The following ATRNL1 variants were observed in gnomAD, a reference collection of about 807,000 sequenced individuals.
The protein encoded by ATRNL1 is attractin-like protein 1.
In ATRNL1, 95 loss-of-function variants were observed where a neutral mutation model predicts 182.7. The ratio of observed to expected loss-of-function variants is 0.52; its 90% CI spans 0.44 to 0.62. The LOEUF (loss-of-function observed/expected upper bound fraction) is 0.62. Among genes scored for constraint, ATRNL1 ranks in the 20% least tolerant of loss-of-function variants. The pLI is 0.00. For synonymous variants in ATRNL1, 576 were observed against 568.3 expected (o/e 1.01, Z -0.19); for missense variants, 1,471 against 1,679.5 (o/e 0.88, Z 2.17).
At chr10:115,861,317 C>T (rs1230928682) in intron 28 of ATRNL1, among the ~76,000 whole-genome samples, 2 of 152,108 alleles carry the variant, frequency 1.3e-5, no homozygotes, top group African/African-American at 2.4e-5. Context: ...AGGGATGTTT[C>T]CCTTATTATT....
In ATRNL1 at chr10:115,241,560, T is replaced by C. The variant is rs782145458; in HGVS notation, c.1533-11T>C. On this transcript the variant is annotated splice_polypyrimidine_tract_variant and intron_variant, in intron 9 of 28. Transcript: ENST00000355044. ...ATCCTTTGTAATACATTTTTAAATT[T>C]TATTCTGTAGGACTATTTTGAAAGA... 6.4e-7 allele frequency: 1 copy of C among 1,572,380 alleles called. No individual in the cohort carries two copies. Among genetic ancestry groups the C allele is most frequent in the South Asian group, 1.2e-5 (1 of 85,966 alleles).
intron 26 of ATRNL1, among the ~76,000 whole-genome samples, chr10:115,586,348 T>C (rs542492897): frequency 2.1e-5 from 2 of 93,414 alleles, no homozygotes; most frequent in South Asian, 1.2e-3. Flanking sequence ...CTGCAGAGTG[T>C]TTTCCAACTT....
intron 28 of ATRNL1, among the ~76,000 whole-genome samples, chr10:115,895,350 T>C (rs1344078170): frequency 5.3e-5 from 8 of 152,216 alleles, no homozygotes; most frequent in Non-Finnish European, 1.0e-4. Context: ...TATTCCCGGG[T>C]GCAGTGCCTT....
chr10:115,623,176 A>T (rs190174569), intron 26 of ATRNL1, among the ~76,000 whole-genome samples: 1 of 152,286 alleles, frequency 6.6e-6, no homozygotes, highest in Non-Finnish European at 1.5e-5. Flanking sequence ...TGGAACCCTG[A>T]TCAAAAAGGG....
intron 15 of ATRNL1, among the ~76,000 whole-genome samples, chr10:115,286,836 T>C (rs1852640521): frequency 6.6e-6 from 1 of 151,974 alleles, no homozygotes; most frequent in Non-Finnish European, 1.5e-5. Flanking sequence ...GTACTGAACA[T>C]GTACATACTT....
At chr10:115,560,667 C>T (rs1469030125) in intron 26 of ATRNL1, among the ~76,000 whole-genome samples, 3 of 150,844 alleles carry the variant, frequency 2.0e-5, no homozygotes, top group Non-Finnish European at 4.4e-5. Flanking sequence ...ACAAGTAGAT[C>T]CTAAAATCCA....
At chr10:115,544,510 A>G (rs1368260940) in intron 25 of ATRNL1, among the ~76,000 whole-genome samples, 1 of 152,194 alleles carries the variant, frequency 6.6e-6, no homozygotes, top group Non-Finnish European at 1.5e-5. Context: ...GGCTTGTCAC[A>G]TGGCGAAAGC....
chr10:115,566,555 G>A (rs1854087142), intron 26 of ATRNL1, among the ~76,000 whole-genome samples: 1 of 152,026 alleles, frequency 6.6e-6, no homozygotes, highest in South Asian at 2.1e-4. Flanking sequence ...CACTATTTTA[G>A]GACAGTTGAG....
At chr10:115,248,613 TA>T (rs142888307) in intron 10 of ATRNL1, among the ~76,000 whole-genome samples, 6,054 of 152,114 alleles carry the variant, frequency 0.04, 398 homozygotes, top group African/African-American at 0.14. Context: ...TGGCAGACAG[TA>T]AAAAACTAAA....
At chr10:115,417,240 A>G (rs1845433308) in intron 20 of ATRNL1, among the ~76,000 whole-genome samples, 1 of 152,182 alleles carries the variant, frequency 6.6e-6, no homozygotes, top group African/African-American at 2.4e-5. Context: ...TACTAGTGTA[A>G]GAGACTTGTT....
Position 115,469,279 on chromosome 10 carries a change from A to C in ATRNL1, c.3604A>C (p.Ile1202Leu). The stretch of plus-strand genomic sequence containing the variant: ...ATTTAACTTTAGAAGCAATCCTAAC[A>C]TTACATTCTATGTGTACGTCAGCAA... ...EKFNFRSNPN[I>L]TFYVYVSNFS... Residue 1202 changes from isoleucine (I) to leucine (L), a missense_variant, in exon 24 of 29, where the codon ATT (isoleucine) becomes CTT (leucine). Transcript: ENST00000355044. 6.5e-7 allele frequency: 1 copy of C among 1,538,890 alleles called. No individual in the cohort carries two copies. The highest frequency in any genetic ancestry group is 8.7e-7 in the Non-Finnish European group (1 of 1,144,934).
chr10:115,636,396 C>A (rs879982831), intron 26 of ATRNL1, among the ~76,000 whole-genome samples: 41 of 152,114 alleles, frequency 2.7e-4, no homozygotes, highest in African/African-American at 9.9e-4. Flanking sequence ...CAGTATGTAC[C>A]AGTGGGAGCT....
chr10:115,299,004 C>T (rs1554923559), intron 15 of ATRNL1, among the ~76,000 whole-genome samples: 1 of 151,658 alleles, frequency 6.6e-6, no homozygotes, highest in Non-Finnish European at 1.5e-5. Flanking sequence ...AGAATAAATA[C>T]TGGATATAAA....
chr10:115,449,920 C>T (rs1039424819), intron 21 of ATRNL1, among the ~76,000 whole-genome samples: 1 of 152,098 alleles, frequency 6.6e-6, no homozygotes, highest in East Asian at 1.9e-4. Flanking sequence ...AGACCAAATC[C>T]AGCAGCACAT....
chr10:115,442,270 GCTCTCTCT>G (rs71895625), intron 21 of ATRNL1, among the ~76,000 whole-genome samples: 10 of 100,402 alleles, frequency 1.0e-4, no homozygotes, highest in African/African-American at 3.5e-4. Context: ...ATTTGTGTTT[GCTCTCTCT>G]CTCTCTCTCT....
intron 8 of ATRNL1, among the ~76,000 whole-genome samples, chr10:115,195,329 A>C (rs555881368): frequency 6.6e-6 from 1 of 152,190 alleles, no homozygotes; most frequent in South Asian, 2.1e-4. Flanking sequence ...TTTTTCTGAG[A>C]AAGTATTTCT....
chr10:115,620,198 G>T (rs1476844480), intron 26 of ATRNL1, among the ~76,000 whole-genome samples: 3 of 152,162 alleles, frequency 2.0e-5, no homozygotes, highest in Non-Finnish European at 4.4e-5. Context: ...GGGGAAGCAT[G>T]CCTGTCACAT....
At chr10:115,301,834 G>C in intron 16 of ATRNL1, 21 bp from the exon 17 acceptor site, 2 of 1,560,042 alleles carry the variant, frequency 1.3e-6, no homozygotes, top group African/African-American at 1.4e-5. Context: ...TGAAATTATT[G>C]TATTTGTTTA....
intron 27 of ATRNL1, among the ~76,000 whole-genome samples, chr10:115,813,078 G>A (rs1433793705): frequency 6.6e-6 from 1 of 152,046 alleles, no homozygotes; most frequent in Non-Finnish European, 1.5e-5. Context: ...CTGTTAGAAT[G>A]TCATTTTGAA....
Sources: gnomAD v4.1 joint callset for allele counts (sites outside exome capture counted in the v4.1 genomes callset) on GRCh38, gnomAD v4.1.1 for gene constraint, MANE v1.5 for transcripts, NCBI Gene and HGNC (gene_info 2026-07-23, HGNC 2026-07-21) for gene names.